Variants in CADPS observed in about 807,000 individuals in gnomAD.
CADPS encodes the protein calcium dependent secretion activator, also known as calcium-dependent secretion activator 1.
A neutral mutation model predicts 167.3 loss-of-function variants in CADPS; 57 were observed. The ratio of observed to expected loss-of-function variants is 0.34; its 90% CI spans 0.28 to 0.42. CADPS has a LOEUF of 0.42. Among genes scored for constraint, CADPS ranks in the 20% least tolerant of loss-of-function variants. CADPS has a pLI of 1.00. For missense variants in CADPS, 1,414 were observed against 1,738.1 expected, an observed-to-expected ratio of 0.81 and a Z score of 3.32; for synonymous variants, 676 against 635.3, an observed-to-expected ratio of 1.06 and a Z score of -0.96.
intron 29 of CADPS, among the ~76,000 whole-genome samples, chr3:62,402,710 C>T (rs767692968): frequency 7.9e-5 from 12 of 152,254 alleles, no homozygotes; most frequent in Admixed American, 2.0e-4. Context: ...AAATTAATAG[C>T]GGCAACATTT....
intron 29 of CADPS, 27 bp downstream of exon 29, chr3:62,403,054 A>G (rs1318124839): frequency 7.1e-7 from 1 of 1,417,028 alleles, no homozygotes; most frequent in Non-Finnish European, 9.9e-7. Flanking sequence ...GCTATTTGCA[A>G]AGAAGAATAA....
intron 1 of CADPS, among the ~76,000 whole-genome samples, chr3:62,854,060 A>G (rs977088849): frequency 6.6e-6 from 1 of 152,188 alleles, no homozygotes. Flanking sequence ...CTGCCGCTCC[A>G]TTCCCTACAT....
intron 8 of CADPS, among the ~76,000 whole-genome samples, chr3:62,574,546 T>A (rs551056268): frequency 6.6e-6 from 1 of 152,194 alleles, no homozygotes; most frequent in African/African-American, 2.4e-5. Context: ...TGGGGTTACA[T>A]AGATCATCTA....
chr3:62,547,085 A>C (rs1309381947), intron 11 of CADPS, among the ~76,000 whole-genome samples: 1 of 152,174 alleles, frequency 6.6e-6, no homozygotes, highest in Non-Finnish European at 1.5e-5. Context: ...AAATTATAGG[A>C]ACAGAAGCCA....
In CADPS at chr3:62,683,465, T is replaced by A. The variant is rs1037978066; in HGVS notation, c.889-21071A>T. Among the ~76,000 whole-genome samples the A allele has an allele frequency of 7.9e-5, 12 of 152,200 alleles. No homozygotes were observed. The East Asian group carries it at 2.3e-3, about 30-fold the overall frequency. ...TCTTTTTTGTATTAAATCAGCTGTT[T>A]TGGAATCATTTTAGATTTACAGAAA... On this transcript the variant is annotated intron_variant, in intron 3 of 29. Coordinates refer to ENST00000383710, the MANE Select transcript of CADPS (RefSeq NM_003716.4).
chr3:62,451,189 T>C (rs1178810803), intron 26 of CADPS, among the ~76,000 whole-genome samples: 1 of 152,152 alleles, frequency 6.6e-6, no homozygotes, highest in Non-Finnish European at 1.5e-5. Context: ...TTAGCCAGTG[T>C]AGACAGGCTT....
chr3:62,429,676 C>T lies in CADPS; in HGVS notation c.3777+8428G>A, dbSNP rs1014437816. ...ATGTGTACTGTGTTTGAGTCTGTCA[C>T]TTACTGCTTCCATGCCGTTAAGTCT... On this transcript the variant is annotated intron_variant, in intron 28 of 29. Coordinates refer to ENST00000383710, the MANE Select transcript of CADPS (RefSeq NM_003716.4). 8.6e-5 allele frequency among the ~76,000 whole-genome samples: 13 copies of T among 151,636 alleles called. 1 individual carries two copies. The highest frequency in any genetic ancestry group is 5.3e-4 in the Admixed American group (8 of 15,154).
intron 28 of CADPS, among the ~76,000 whole-genome samples, chr3:62,427,883 T>C (rs2053084649): frequency 6.6e-6 from 1 of 152,228 alleles, no homozygotes; most frequent in African/African-American, 2.4e-5. Flanking sequence ...AAAAATCTTT[T>C]TTTCTACACA....
rs1295380579 is a variant in CADPS at position 62,602,166 on chromosome 3, G to C, written c.1326-9418C>G. 6.6e-6 allele frequency among the ~76,000 whole-genome samples: 1 copy of C among 151,130 alleles called. No individual in the cohort carries two copies. The highest frequency in any genetic ancestry group is 1.5e-5 in the Non-Finnish European group (1 of 67,878). On this transcript the variant is annotated intron_variant, in intron 6 of 29. Coordinates refer to ENST00000383710, the MANE Select transcript of CADPS (RefSeq NM_003716.4). The surrounding 1 kb of genome is among the most constrained non-coding windows in gnomAD (Gnocchi z 4.4). ...TCCACTGCAAACCTTTGACAACAGA[G>C]TGATATTTACGAATGCATATGTGAG...
intron 13 of CADPS, among the ~76,000 whole-genome samples, chr3:62,527,297 T>A (rs1286608347): frequency 6.6e-6 from 1 of 152,150 alleles, no homozygotes; most frequent in Non-Finnish European, 1.5e-5. Flanking sequence ...ACTATTAACA[T>A]TTTTGGCTTT....
intron 3 of CADPS, among the ~76,000 whole-genome samples, chr3:62,692,196 G>GAT (rs1023098436): frequency 1.3e-5 from 2 of 151,642 alleles, no homozygotes; most frequent in Non-Finnish European, 1.5e-5. Context: ...CATATATATA[G>GAT]ATATATATAG....
chr3:62,399,291 T>C lies in CADPS; in HGVS notation c.*115A>G. The C allele has an allele frequency of 1.1e-6, 1 of 945,034 alleles. No homozygotes were observed. The allele number at this position is 945,034 out of a possible 1,614,324, so 58.5% of individuals were successfully genotyped here. ...ATAGCTAAAATGGCAGTTGTATTGA[T>C]AAACATCTCATGGGCATGGTAGTTG... On this transcript the variant is annotated 3_prime_UTR_variant, in exon 30 of 30. Transcript: ENST00000383710. This position sits in a 1 kb window ranked among gnomAD's most constrained non-coding sequence, Gnocchi z 5.6.
intron 1 of CADPS, among the ~76,000 whole-genome samples, chr3:62,827,040 T>C (rs1178036909): frequency 6.6e-6 from 1 of 152,214 alleles, no homozygotes; most frequent in Non-Finnish European, 1.5e-5. Flanking sequence ...TTAATGGTTT[T>C]GATGGAAGGC....
chr3:62,803,131 A>C (rs1183574540), intron 1 of CADPS, among the ~76,000 whole-genome samples: 1 of 152,118 alleles, frequency 6.6e-6, no homozygotes, highest in Non-Finnish European at 1.5e-5. Flanking sequence ...GGAGAGCTGA[A>C]CCATGCAACT....
intron 8 of CADPS, among the ~76,000 whole-genome samples, chr3:62,581,227 A>G (rs1228955031): frequency 1.3e-5 from 2 of 152,148 alleles, no homozygotes; most frequent in Non-Finnish European, 2.9e-5. Context: ...GCCAAATCTG[A>G]TAGGCATTTG....
chr3:62,507,146 G>A (rs889178618), intron 17 of CADPS, among the ~76,000 whole-genome samples: 3 of 152,246 alleles, frequency 2.0e-5, no homozygotes, highest in Non-Finnish European at 4.4e-5. Context: ...GCCACAAGCT[G>A]TCTTGGGCGG....
chr3:62,782,532 T>G lies in CADPS; in HGVS notation c.442-16548A>C, dbSNP rs150508465. On this transcript the variant is annotated intron_variant, in intron 1 of 29. Transcript: ENST00000383710. ...GTCATTAAAAGAGGTAAATTTGGAC[T>G]CACATTTTTTCATGAAGACACCAAA... Among the ~76,000 whole-genome samples, 568 of 152,288 alleles carry G rather than the reference T, an allele frequency of 3.7e-3. 6 individuals carry two copies. The highest frequency in any genetic ancestry group is 0.013 in the African/African-American group (548 of 41,562).
intron 1 of CADPS, among the ~76,000 whole-genome samples, chr3:62,855,346 T>C (rs1376723963): frequency 6.6e-6 from 1 of 151,958 alleles, no homozygotes; most frequent in Non-Finnish European, 1.5e-5. Context: ...TTTCACTAAA[T>C]GTAAGTTCTG....
chr3:62,578,753 T>C (rs1217883846), intron 8 of CADPS, among the ~76,000 whole-genome samples: 1 of 152,120 alleles, frequency 6.6e-6, no homozygotes. Context: ...GAGAGCTTCC[T>C]CTAAATAAAT....
Sources: allele counts gnomAD v4.1 joint callset (sites outside exome capture counted in the v4.1 genomes callset), GRCh38; gene constraint gnomAD v4.1.1; non-coding constraint Gnocchi (gnomAD v3.1); transcripts MANE v1.5; gene names NCBI Gene and HGNC (gene_info 2026-07-23, HGNC 2026-07-21).